The following ADGRB3 variants were observed in gnomAD, a reference collection of about 807,000 sequenced individuals.
ADGRB3 encodes the protein adhesion G protein-coupled receptor B3, also known as brain-specific angiogenesis inhibitor 3.
In ADGRB3, 37 loss-of-function variants were observed where a neutral mutation model predicts 193.4. The ratio of observed to expected loss-of-function variants is 0.19; its 90% CI spans 0.15 to 0.25. The LOEUF (loss-of-function observed/expected upper bound fraction) is 0.25, where lower values mean the gene tolerates loss of function less well. ADGRB3 is among the 10% of genes least tolerant of loss of function. ADGRB3 has a pLI of 1.00. For synonymous variants in ADGRB3, 690 were observed against 644.2 expected (o/e 1.07, Z -1.08); for missense variants, 1,637 against 1,852.9 (o/e 0.88, Z 2.14).
intron 10 of ADGRB3, among the ~76,000 whole-genome samples, chr6:68,990,822 C>T (rs999369736): frequency 6.6e-6 from 1 of 152,090 alleles, no homozygotes; most frequent in Non-Finnish European, 1.5e-5. Flanking sequence ...AATTATTTAC[C>T]GTGGCAACCA....
intron 26 of ADGRB3, among the ~76,000 whole-genome samples, chr6:69,343,318 G>A (rs975935617): frequency 1.0e-4 from 15 of 149,980 alleles, no homozygotes; most frequent in Non-Finnish European, 1.8e-4. Context: ...ATATCTCCCA[G>A]TGCTATCCCT....
chr6:69,183,999 G>A (rs1765010970), intron 17 of ADGRB3, among the ~76,000 whole-genome samples: 1 of 152,066 alleles, frequency 6.6e-6, no homozygotes, highest in Non-Finnish European at 1.5e-5. Context: ...AAAAACTCAA[G>A]TGTGATAACT....
intron 3 of ADGRB3, among the ~76,000 whole-genome samples, chr6:68,888,785 C>T (rs1765986699): frequency 6.6e-6 from 1 of 152,136 alleles, no homozygotes; most frequent in South Asian, 2.1e-4. Context: ...GGGACCTATG[C>T]AGCAATCTAG....
At chr6:69,063,943 TC>T (rs903893888) in intron 16 of ADGRB3, among the ~76,000 whole-genome samples, 1 of 152,010 alleles carries the variant, frequency 6.6e-6, no homozygotes, top group Non-Finnish European at 1.5e-5. Flanking sequence ...CATATTTTTA[TC>T]CTTGCAAAGT....
chr6:68,986,401 T>C (rs1413882840), intron 10 of ADGRB3, among the ~76,000 whole-genome samples: 1 of 152,210 alleles, frequency 6.6e-6, no homozygotes, highest in Non-Finnish European at 1.5e-5. Context: ...TGCCCTATCA[T>C]ATCGTCTCCA....
At chr6:69,212,537 A>T in intron 17 of ADGRB3, among the ~76,000 whole-genome samples, 1 of 152,110 alleles carries the variant, frequency 6.6e-6, no homozygotes, top group East Asian at 1.9e-4. Context: ...AAAAAAAAAT[A>T]AAGGATCCCC....
chr6:68,647,227 T>C (rs1019854337), intron 3 of ADGRB3, among the ~76,000 whole-genome samples: 1 of 152,216 alleles, frequency 6.6e-6, no homozygotes, highest in African/African-American at 2.4e-5. Flanking sequence ...CTTATGTTTC[T>C]TTGTGAAGTA....
chr6:68,762,501 G>A (rs141312558), intron 3 of ADGRB3, among the ~76,000 whole-genome samples: 7 of 151,096 alleles, frequency 4.6e-5, no homozygotes, highest in Admixed American at 2.6e-4. Context: ...TATATATAGA[G>A]AGAGAGAGAG....
chr6:69,292,713 C>CTTTT (rs58594374), intron 20 of ADGRB3, among the ~76,000 whole-genome samples: 1 of 144,914 alleles, frequency 6.9e-6, no homozygotes, highest in South Asian at 2.2e-4. Flanking sequence ...CAACCTCTTT[C>CTTTT]TTTTTTTTTT....
At chr6:69,028,311 TC>T (rs1243797339) in intron 13 of ADGRB3, among the ~76,000 whole-genome samples, 1 of 152,230 alleles carries the variant, frequency 6.6e-6, no homozygotes, top group Non-Finnish European at 1.5e-5. Flanking sequence ...TCAGCTCCAT[TC>T]TTTTGAAAGC....
intron 3 of ADGRB3, among the ~76,000 whole-genome samples, chr6:68,714,630 G>A (rs1373593949): frequency 6.6e-6 from 1 of 151,780 alleles, no homozygotes; most frequent in African/African-American, 2.4e-5. Context: ...TGAAGGGTTT[G>A]TAAAATGGTA....
intron 8 of ADGRB3, among the ~76,000 whole-genome samples, chr6:68,962,718 A>G (rs1562101901): frequency 6.6e-6 from 1 of 152,176 alleles, no homozygotes; most frequent in Non-Finnish European, 1.5e-5. Context: ...TTAAATTAAG[A>G]GATTTAAAAT....
rs76707124 is a variant in ADGRB3 at position 69,014,780 on chromosome 6, T to C, written c.1998+674T>C. On this transcript the variant is annotated intron_variant, in intron 12 of 31. Coordinates refer to ENST00000370598, the MANE Select transcript of ADGRB3 (RefSeq NM_001704.3). ...TTTAAAAAATTAAATGTAAATTTAGTTTAACTGGATGTCAAACTTCTTTAG... is the reference window on the plus strand; with the variant it reads ...TTTAAAAAATTAAATGTAAATTTAGCTTAACTGGATGTCAAACTTCTTTAG... 7.0e-4 allele frequency among the ~76,000 whole-genome samples: 106 copies of C among 152,112 alleles called. No homozygotes were observed. In the East Asian group the frequency reaches 0.018, roughly 26 times the overall value.
At chr6:68,886,301 CTAAAG>C (rs1481859047) in intron 3 of ADGRB3, among the ~76,000 whole-genome samples, 1 of 152,074 alleles carries the variant, frequency 6.6e-6, no homozygotes, top group Non-Finnish European at 1.5e-5. Context: ...ATTACCAAAC[CTAAAG>C]TATAGTACTC....
chr6:69,001,882 A>G lies in ADGRB3; in HGVS notation c.1929+7920A>G, dbSNP rs139722224. ...AAAACACACAGTTACATTAACATGC[A>G]GTTGAAAACTAGAGTTTTCCAAAAT... On this transcript the variant is annotated intron_variant, in intron 11 of 31. Coordinates refer to ENST00000370598, the MANE Select transcript of ADGRB3 (RefSeq NM_001704.3). 6.5e-4 allele frequency among the ~76,000 whole-genome samples: 99 copies of G among 152,332 alleles called. 1 individual carries two copies. The East Asian group carries it at 0.018, about 28-fold the overall frequency.
rs1034721932 is a variant in ADGRB3 at position 68,635,336 on chromosome 6, G to C, written c.-852G>C. 2 of 151,754 alleles carry C rather than the reference G, an allele frequency of 1.3e-5. No homozygotes were observed. Among genetic ancestry groups the C allele is most frequent in the Admixed American group, 6.6e-5 (1 of 15,242 alleles). The allele number at this position is 151,754 out of a possible 1,614,324, so 9.4% of individuals were successfully genotyped here. A position where few individuals can be genotyped will look rare whatever the true frequency, so the allele number is the denominator to read the frequency against. Reference sequence around the variant, plus strand: ...GAGCTTTACTATCTCGCTCCCTCTCGCGCCTCCCTCCTCGCTGGGCATTCA... The same window carrying C: ...GAGCTTTACTATCTCGCTCCCTCTCCCGCCTCCCTCCTCGCTGGGCATTCA... On this transcript the variant is annotated 5_prime_UTR_variant, in exon 1 of 32. Coordinates refer to ENST00000370598, the MANE Select transcript of ADGRB3 (RefSeq NM_001704.3).
At chr6:68,883,440 G>C (rs536518280) in intron 3 of ADGRB3, among the ~76,000 whole-genome samples, 1 of 152,172 alleles carries the variant, frequency 6.6e-6, no homozygotes, top group African/African-American at 2.4e-5. Context: ...CACGTTGTAG[G>C]AGCTTTGTTT....
intron 3 of ADGRB3, among the ~76,000 whole-genome samples, chr6:68,771,332 T>G (rs1766612845): frequency 6.6e-6 from 1 of 152,052 alleles, no homozygotes; most frequent in African/African-American, 2.4e-5. Context: ...ACTCACCATT[T>G]ATCAAACATC....
In ADGRB3 at chr6:69,336,632, G is replaced by A. The variant is rs139204944; in HGVS notation, c.3189-2284G>A. Among the ~76,000 whole-genome samples, 341 of 152,058 alleles carry A rather than the reference G, an allele frequency of 2.2e-3. 12 individuals are homozygous for A. The highest frequency in any genetic ancestry group is 0.017 in the Admixed American group (266 of 15,268). On this transcript the variant is annotated intron_variant, in intron 24 of 31. Transcript: ENST00000370598. ...AAGTTTTTCTATTTAATGTGACTTT[G>A]CTTCTATAATGTGATCCTACCCTGG...
Sources: allele counts gnomAD v4.1 joint callset (sites outside exome capture counted in the v4.1 genomes callset), GRCh38; gene constraint gnomAD v4.1.1; transcripts MANE v1.5; gene names NCBI Gene and HGNC (gene_info 2026-07-23, HGNC 2026-07-21).